The following GNPTG variants were observed in gnomAD, a reference collection of about 807,000 sequenced individuals.
GNPTG encodes the protein N-acetylglucosamine-1-phosphotransferase subunit gamma.
A neutral mutation model predicts 43.8 loss-of-function variants in GNPTG; 46 were observed. The ratio of observed to expected loss-of-function variants is 1.05; its 90% CI spans 0.83 to 1.34. GNPTG has a LOEUF of 1.34. GNPTG is among the 40% of genes most tolerant of loss of function. The pLI is 0.00. For missense variants in GNPTG, 549 were observed against 411.3 expected (o/e 1.33, Z -2.90); for synonymous variants, 250 against 172.8 (o/e 1.45, Z -3.50).
At chr16:1,362,380 AGGCCCTGTAGTGCTGGG>A (rs2034913896) in intron 7 of GNPTG, 55 bp from the exon 8 acceptor site, 10 of 1,607,640 alleles carry the variant, frequency 6.2e-6, no homozygotes, top group South Asian at 1.1e-5. Flanking sequence ...GCCCTGCTGG[AGGCCCTGTAGTGCTGGG>A]GGCCAGGGTT....
rs991432590 is a variant in GNPTG at position 1,352,150 on chromosome 16, A to G, written c.101A>G (p.Asn34Ser). The G allele has an allele frequency of 3.8e-6, 6 of 1,580,028 alleles. No homozygotes were observed. Among genetic ancestry groups the G allele is most frequent in the East Asian group, 2.3e-5 (1 of 43,150 alleles). ...AAKMKVVEEP[N>S]AFGVNNPFLP... Reference sequence around the variant, plus strand: ...AAGATGAAGGTGGTGGAGGAGCCCAACGCGTTTGGGTGAGCAGCCTCGCGG... The same window carrying G: ...AAGATGAAGGTGGTGGAGGAGCCCAGCGCGTTTGGGTGAGCAGCCTCGCGG... Residue 34 changes from asparagine to serine, a missense_variant, in exon 2 of 11, where the codon AAC (asparagine) becomes AGC (serine). Asn to Ser is a conservative substitution (Grantham distance 46). Transcript: ENST00000204679.
chr16:1,352,450 G>C (rs1195504055), intron 3 of GNPTG, 144 bp downstream of exon 3: 1 of 829,296 alleles, frequency 1.2e-6, no homozygotes, highest in Non-Finnish European at 2.0e-6. Flanking sequence ...GGAAGTACGA[G>C]AGAATATACC....
At chr16:1,352,559 C>G (rs776373167) in intron 3 of GNPTG, 26 of 532,618 alleles carry the variant, frequency 4.9e-5, no homozygotes, top group African/African-American at 7.7e-5. Context: ...TTTGCAGACG[C>G]GTTTCTGTGC....
chr16:1,352,501 T>C, intron 3 of GNPTG, 195 bp downstream of exon 3: 1 of 647,040 alleles, frequency 1.5e-6, no homozygotes, highest in Non-Finnish European at 2.7e-6. Context: ...CCAGACTTAG[T>C]CCTTCCTTTC....
At position 1,363,118 on chromosome 16, in the gene GNPTG, C is replaced by T. The variant is rs189677035; in HGVS notation, c.*27C>T. On this transcript the variant is annotated 3_prime_UTR_variant, in exon 11 of 11. Coordinates refer to ENST00000204679, the MANE Select transcript of GNPTG (RefSeq NM_032520.5). ...CTTGTGGTGGGAGAGCAGAGGTGGACGCGGCCGAGAGCCCTACAGAGAAGC... is the reference window on the plus strand; with the variant it reads ...CTTGTGGTGGGAGAGCAGAGGTGGATGCGGCCGAGAGCCCTACAGAGAAGC... 2.7e-4 allele frequency: 431 copies of T among 1,603,036 alleles called. 3 individuals carry two copies. The East Asian group carries it at 4.3e-3, about 16-fold the overall frequency.
chr16:1,356,156 C>T (rs2034770727), intron 3 of GNPTG, among the ~76,000 whole-genome samples: 1 of 152,032 alleles, frequency 6.6e-6, no homozygotes. Context: ...CTGACCGGGG[C>T]AGAGGGGAAA....
Position 1,362,217 on chromosome 16 carries a change from G to C in GNPTG, c.423G>C (p.Ala141=), listed in dbSNP as rs530486639. The C allele has an allele frequency of 9.3e-6, 15 of 1,613,454 alleles. No individual in the cohort carries two copies. The South Asian group carries it at 1.4e-4, about 15-fold the overall frequency. ...CGTTCCCTCCCCAGGTGGAGCTGGC[G>C]TGTGGAAAAAGCAACCGGCTGGCCC... The part of the protein sequence containing the change: ...SRSRQSKVEL[A]CGKSNRLAHV... Residue 141 remains alanine (A), a synonymous_variant, in exon 7 of 11, where the codon GCG becomes GCC. Transcript: ENST00000204679.
In GNPTG at chr16:1,351,998, C is replaced by T. The variant is rs1473255525; in HGVS notation, c.33C>T (p.Leu11=). The T allele has an allele frequency of 1.2e-5, 18 of 1,450,238 alleles. No individual in the cohort carries two copies. Among genetic ancestry groups the T allele is most frequent in the East Asian group, 5.9e-5 (2 of 33,638 alleles). The allele number at this position is 1,450,238 out of a possible 1,614,324, so 89.8% of individuals were successfully genotyped here. A position where few individuals can be genotyped will look rare whatever the true frequency, so the allele number is the denominator to read the frequency against. The change falls in exon 1 of 11, where the codon CTC becomes CTT. Residue 11 remains leucine (L), a synonymous_variant. Coordinates refer to ENST00000204679, the MANE Select transcript of GNPTG (RefSeq NM_032520.5). The part of the protein sequence containing the change: MAAGLARLLL[L]LGLSAGGPAP... ...CGGGGCTGGCGCGGCTCCTGTTGCT[C>T]CTCGGGCTCTCGGCCGGCGGTGAGT...
In GNPTG at chr16:1,362,726, T is replaced by C; in HGVS notation, c.725T>C (p.Leu242Pro). ...GGPDSLGFETLENCRKAHKEL... is the reference protein window; with the variant it reads ...GGPDSLGFETPENCRKAHKEL... ...CCTGACAGCTTGGGGTTTGAGACCC[T>C]GGAAAACTGCAGGAAGGTACCGTAT... The change falls in exon 9 of 11, where the codon CTG becomes CCG. Residue 242 changes from leucine to proline, a missense_variant. Coordinates refer to ENST00000204679, the MANE Select transcript of GNPTG (RefSeq NM_032520.5). 3 of 1,614,020 alleles carry C rather than the reference T, an allele frequency of 1.9e-6. No individual in the cohort carries two copies. The highest frequency in any genetic ancestry group is 2.5e-6 in the Non-Finnish European group (3 of 1,180,002).
chr16:1,353,051 C>T lies in GNPTG; in HGVS notation c.178+745C>T, dbSNP rs7201547. ...GTGGCACGATCTCGGCTCACTGCAACCTCCGCCTCCCAGGTTCAAGCGATC... is the reference window on the plus strand; with the variant it reads ...GTGGCACGATCTCGGCTCACTGCAATCTCCGCCTCCCAGGTTCAAGCGATC... On this transcript the variant is annotated intron_variant, in intron 3 of 10. Coordinates refer to ENST00000204679, the MANE Select transcript of GNPTG (RefSeq NM_032520.5). Among the ~76,000 whole-genome samples, 269 of 148,100 alleles carry T rather than the reference C, an allele frequency of 1.8e-3. 1 individual carries two copies. Among genetic ancestry groups the T allele is most frequent in the African/African-American group, 6.4e-3 (256 of 40,012 alleles).
At chr16:1,360,589 A>C (rs2034852180) in intron 3 of GNPTG, 1 of 152,344 alleles carries the variant, frequency 6.6e-6, no homozygotes, top group Admixed American at 6.6e-5. Context: ...GCGCCACTGC[A>C]TTTCACCTTG....
At chr16:1,357,071 G>A (rs1008995614) in intron 3 of GNPTG, among the ~76,000 whole-genome samples, 15 of 152,338 alleles carry the variant, frequency 9.8e-5, no homozygotes, top group Middle Eastern at 3.4e-3. Flanking sequence ...AGACTGGAGG[G>A]ACCAAGCCCA....
intron 9 of GNPTG, 39 bp from the exon 10 acceptor site, chr16:1,362,786 C>A: frequency 1.2e-6 from 2 of 1,614,112 alleles, no homozygotes; most frequent in Non-Finnish European, 1.7e-6. Flanking sequence ...AGCCCTCCAG[C>A]ACCTGGGCTT....
At chr16:1,358,079 C>G (rs1049117958) in intron 3 of GNPTG, 1 of 152,344 alleles carries the variant, frequency 6.6e-6, no homozygotes, top group Admixed American at 6.5e-5. Flanking sequence ...AACAGGGTGG[C>G]TGCTGTGGCT....
chr16:1,355,069 G>A (rs1312726996), intron 3 of GNPTG, among the ~76,000 whole-genome samples: 1 of 152,068 alleles, frequency 6.6e-6, no homozygotes, highest in East Asian at 1.9e-4. Flanking sequence ...CCGCGTCTGC[G>A]GGGTCGGGTG....
At chr16:1,357,424 C>T (rs981670336) in intron 3 of GNPTG, among the ~76,000 whole-genome samples, 3 of 152,166 alleles carry the variant, frequency 2.0e-5, no homozygotes, top group African/African-American at 7.2e-5. Context: ...TGGCATCTGG[C>T]TCCTGGGCTG....
chr16:1,358,874 T>C (rs1005830969), intron 3 of GNPTG: 1 of 152,106 alleles, frequency 6.6e-6, no homozygotes, highest in Non-Finnish European at 1.5e-5. Flanking sequence ...GTCCTTTTTT[T>C]TTTTTGAGAT....
intron 3 of GNPTG, among the ~76,000 whole-genome samples, chr16:1,358,734 A>C (rs2034821139): frequency 6.6e-6 from 1 of 152,092 alleles, no homozygotes; most frequent in Non-Finnish European, 1.5e-5. Context: ...CAGTTTCTCC[A>C]CATTTTCACC....
chr16:1,360,479 C>A (rs1478580114), intron 3 of GNPTG: 1 of 152,196 alleles, frequency 6.6e-6, no homozygotes, highest in African/African-American at 2.4e-5. Context: ...CAAAAATTAG[C>A]TGGGCGTGGT....
Sources: gnomAD v4.1 joint callset for allele counts (sites outside exome capture counted in the v4.1 genomes callset) on GRCh38, gnomAD v4.1.1 for gene constraint, MANE v1.5 for transcripts, NCBI Gene and HGNC (gene_info 2026-07-23, HGNC 2026-07-21) for gene names.